CFAP161: variants seen among roughly 807,000 people sequenced by gnomAD.
CFAP161 encodes cilia- and flagella-associated protein 161.
Under a neutral mutation model 29.0 loss-of-function variants are expected in CFAP161, and 25 were observed. The ratio of observed to expected loss-of-function variants is 0.86; its 90% CI spans 0.63 to 1.20. The LOEUF (loss-of-function observed/expected upper bound fraction) is 1.20. CFAP161 is among the 50% of genes most tolerant of loss of function. The pLI is 0.00. For missense variants in CFAP161, 367 were observed against 371.9 expected (o/e 0.99, Z 0.11); for synonymous variants, 116 against 137.4 (o/e 0.84, Z 1.09).
At chr15:81,127,925 T>C (rs1894661257) in intron 2 of CFAP161, among the ~76,000 whole-genome samples, 1 of 152,122 alleles carries the variant, frequency 6.6e-6, no homozygotes, top group African/African-American at 2.4e-5. Flanking sequence ...TTCAGGGAGG[T>C]AAAGAAAAGA....
chr15:81,146,258 C>T (rs1895004071), intron 5 of CFAP161, among the ~76,000 whole-genome samples: 1 of 152,168 alleles, frequency 6.6e-6, no homozygotes, highest in African/African-American at 2.4e-5. Context: ...TTCTTTCTTA[C>T]ACAGCTTTTA....
upstream of CFAP161, among the ~76,000 whole-genome samples, chr15:81,130,365 T>C (rs974444564): frequency 1.3e-5 from 2 of 152,262 alleles, no homozygotes; most frequent in Admixed American, 6.5e-5. Context: ...TCAGCCTATC[T>C]TGGCTTTTGA....
chr15:81,106,988 C>T (rs968732719), intron 1 of CFAP161, among the ~76,000 whole-genome samples: 4 of 152,102 alleles, frequency 2.6e-5, no homozygotes, highest in Non-Finnish European at 4.4e-5. Context: ...ATTGCTTGAG[C>T]CAAGGAGTGC....
At chr15:81,140,319 G>A (rs1408259784) in intron 4 of CFAP161, among the ~76,000 whole-genome samples, 1 of 152,132 alleles carries the variant, frequency 6.6e-6, no homozygotes, top group Non-Finnish European at 1.5e-5. Flanking sequence ...TTTGCAATTT[G>A]ACTTTTGCTT....
intron 4 of CFAP161, among the ~76,000 whole-genome samples, chr15:81,141,437 T>C (rs1163115874): frequency 6.6e-6 from 1 of 152,204 alleles, no homozygotes; most frequent in African/African-American, 2.4e-5. Context: ...ATTAATTCTA[T>C]AGTTTTTTCA....
At chr15:81,139,934 T>G (rs1894877989) in intron 4 of CFAP161, among the ~76,000 whole-genome samples, 1 of 152,226 alleles carries the variant, frequency 6.6e-6, no homozygotes, top group African/African-American at 2.4e-5. Context: ...TTTGCTAATT[T>G]GACAAGCAAA....
intron 4 of CFAP161, among the ~76,000 whole-genome samples, chr15:81,143,180 G>T (rs1236886390): frequency 1.3e-5 from 2 of 152,190 alleles, no homozygotes; most frequent in African/African-American, 2.4e-5. Flanking sequence ...GGGCATGGCA[G>T]TGTGCACCTG....
At chr15:81,101,526 CAAAAAA>C (rs527465471) in intron 1 of CFAP161, among the ~76,000 whole-genome samples, 6 of 46,106 alleles carry the variant, frequency 1.3e-4, no homozygotes, top group African/African-American at 2.0e-4. Context: ...GACTCTGTCT[CAAAAAA>C]AAAAAAAAAA....
At chr15:81,112,731 C>T (rs1894453599) in intron 1 of CFAP161, among the ~76,000 whole-genome samples, 1 of 152,022 alleles carries the variant, frequency 6.6e-6, no homozygotes, top group South Asian at 2.1e-4. Context: ...ACTAGAGGAC[C>T]ACTGCTGAGA....
intron 4 of CFAP161, among the ~76,000 whole-genome samples, chr15:81,143,009 A>G (rs1894938718): frequency 6.6e-6 from 1 of 152,198 alleles, no homozygotes; most frequent in African/African-American, 2.4e-5. Flanking sequence ...CATCATTTAT[A>G]TTAAATAAAA....
chr15:81,100,647 A>G (rs1036856308), intron 1 of CFAP161, among the ~76,000 whole-genome samples: 1 of 151,584 alleles, frequency 6.6e-6, no homozygotes, highest in African/African-American at 2.4e-5. Context: ...AAGAATTCTC[A>G]TTCTTAACAA....
intron 1 of CFAP161, among the ~76,000 whole-genome samples, chr15:81,125,215 T>C (rs1012032732): frequency 3.9e-5 from 6 of 152,162 alleles, no homozygotes; most frequent in African/African-American, 1.2e-4. Context: ...AACTGAAAAG[T>C]AGACAAAGCC....
intron 1 of CFAP161, among the ~76,000 whole-genome samples, chr15:81,114,127 G>A (rs1809132371): frequency 6.6e-6 from 1 of 152,156 alleles, no homozygotes; most frequent in Admixed American, 6.5e-5. Flanking sequence ...AGAAAAAATA[G>A]ACAGAGCTGC....
intron 1 of CFAP161, among the ~76,000 whole-genome samples, chr15:81,100,686 CT>C (rs1894292865): frequency 7.5e-6 from 1 of 132,794 alleles, no homozygotes; most frequent in African/African-American, 2.8e-5. Context: ...CAGGTATTTC[CT>C]TTTCCTCTCT....
chr15:81,135,165 TG>T (rs1894787439), intron 1 of CFAP161, 104 bp from the exon 2 acceptor site: 1 of 625,362 alleles, frequency 1.6e-6, no homozygotes, highest in East Asian at 2.7e-5. Flanking sequence ...TCTCTTTTTT[TG>T]TACTCAAATT....
chr15:81,115,365 G>T lies in CFAP161; in HGVS notation c.-141-12225G>T, dbSNP rs550081670. On this transcript the variant is annotated intron_variant, in intron 1 of 4. Transcript: ENST00000560091. The stretch of plus-strand genomic sequence containing the variant: ...GATGCTGGGATGAACCTGTTCCAGT[G>T]GTTGGTCTTGTGTCACACTGGGAGC... Among the ~76,000 whole-genome samples, 13 of 152,306 alleles carry T rather than the reference G, an allele frequency of 8.5e-5. No homozygotes were observed. The South Asian group carries it at 2.7e-3, about 32-fold the overall frequency.
intron 1 of CFAP161, among the ~76,000 whole-genome samples, chr15:81,126,395 A>AT (rs199526794): frequency 0.022 from 3,385 of 152,174 alleles, 131 homozygotes; most frequent in African/African-American, 0.078. Flanking sequence ...CAATATTTAC[A>AT]TTTTATCTAG....
chr15:81,139,909 A>G (rs1894877503), intron 4 of CFAP161, among the ~76,000 whole-genome samples: 2 of 152,218 alleles, frequency 1.3e-5, no homozygotes, highest in Non-Finnish European at 1.5e-5. Flanking sequence ...TGTATTAAAT[A>G]TCATAATTTA....
chr15:81,136,503 A>T lies in CFAP161; in HGVS notation c.160-13A>T, dbSNP rs763394362. ...TGCATGGTTTATGTAATAAACTACT[A>T]TCAAAATTGTAGATGCAACTTTCCG... On this transcript the variant is annotated splice_polypyrimidine_tract_variant and intron_variant, in intron 2 of 6. Coordinates refer to ENST00000286732, the MANE Select transcript of CFAP161 (RefSeq NM_173528.4). The T allele has an allele frequency of 5.0e-6, 8 of 1,611,862 alleles. No homozygotes were observed. The highest frequency in any genetic ancestry group is 6.8e-6 in the Non-Finnish European group (8 of 1,177,906).
Sources: gnomAD v4.1 joint callset for allele counts (sites outside exome capture counted in the v4.1 genomes callset) on GRCh38, gnomAD v4.1.1 for gene constraint, MANE v1.5 for transcripts, NCBI Gene and HGNC (gene_info 2026-07-23, HGNC 2026-07-21) for gene names.